EIF5B: variants seen among roughly 807,000 people sequenced by gnomAD.
EIF5B encodes eIF-5B.
A neutral mutation model predicts 147.5 loss-of-function variants in EIF5B; 47 were observed. The observed-to-expected ratio is 0.32, with a 90% confidence interval of 0.25 to 0.41. The LOEUF is 0.41. EIF5B is among the 10% of genes least tolerant of loss of function. The probability of loss-of-function intolerance (pLI) is 1.00; values close to 1 mark genes in which losing one functional copy is unlikely to be tolerated. For missense variants in EIF5B, 1,064 were observed against 1,413.2 expected (o/e 0.75, Z 3.96); for synonymous variants, 455 against 456.2 (o/e 1.00, Z 0.03).
At chr2:99,374,859 C>G (rs1674530843) in intron 9 of EIF5B, among the ~76,000 whole-genome samples, 1 of 151,890 alleles carries the variant, frequency 6.6e-6, no homozygotes, top group African/African-American at 2.4e-5. Context: ...CTGATAGGCC[C>G]TCTTATTGTA....
intron 1 of EIF5B, among the ~76,000 whole-genome samples, chr2:99,343,407 A>C (rs2105334406): frequency 6.6e-6 from 1 of 151,758 alleles, no homozygotes; most frequent in South Asian, 2.1e-4. Flanking sequence ...CAAAAGTTTT[A>C]AATTTTGTTG....
intron 1 of EIF5B, among the ~76,000 whole-genome samples, chr2:99,359,326 G>GCCACT (rs1559247616): frequency 6.6e-6 from 1 of 151,300 alleles, no homozygotes; most frequent in African/African-American, 2.4e-5. Flanking sequence ...CCGAGATCAC[G>GCCACT]CCACTGCACT....
At chr2:99,383,524 A>G (rs1289966560) in intron 14 of EIF5B, among the ~76,000 whole-genome samples, 1 of 152,226 alleles carries the variant, frequency 6.6e-6, no homozygotes, top group Non-Finnish European at 1.5e-5. Context: ...GCCAAAGCCT[A>G]ATCTAAAGCA....
At chr2:99,360,843 G>A (rs1228459110) in intron 3 of EIF5B, among the ~76,000 whole-genome samples, 1 of 152,088 alleles carries the variant, frequency 6.6e-6, no homozygotes, top group Admixed American at 6.6e-5. Context: ...CAGAGTAATG[G>A]GAAAATCATA....
chr2:99,384,043 A>G (rs1674746935), intron 14 of EIF5B, among the ~76,000 whole-genome samples: 1 of 151,746 alleles, frequency 6.6e-6, no homozygotes, highest in Admixed American at 6.6e-5. Context: ...TAAAAATACA[A>G]AAAGTTAGCC....
At chr2:99,375,910 T>G (rs1372659146) in intron 9 of EIF5B, among the ~76,000 whole-genome samples, 2 of 152,108 alleles carry the variant, frequency 1.3e-5, no homozygotes, top group African/African-American at 4.8e-5. Context: ...GTATTTCAGG[T>G]TTTTCCGATT....
intron 13 of EIF5B, 107 bp from the exon 14 acceptor site, chr2:99,382,673 A>T (rs1019923929): frequency 3.5e-6 from 4 of 1,130,918 alleles, no homozygotes; most frequent in Non-Finnish European, 4.8e-6. Flanking sequence ...GAACAATTTA[A>T]TACATATACT....
At chr2:99,385,998 A>AT (rs1674798624) in intron 14 of EIF5B, among the ~76,000 whole-genome samples, 1 of 152,160 alleles carries the variant, frequency 6.6e-6, no homozygotes, top group African/African-American at 2.4e-5. Flanking sequence ...TAAGTTTGGC[A>AT]TTTTTTGTTA....
intron 17 of EIF5B, among the ~76,000 whole-genome samples, chr2:99,391,629 C>T (rs1674931911): frequency 6.6e-6 from 1 of 151,556 alleles, no homozygotes. Flanking sequence ...AATATCCTTG[C>T]TTTGCTTTGT....
chr2:99,345,651 C>T (rs573162179), intron 1 of EIF5B, among the ~76,000 whole-genome samples: 34 of 145,888 alleles, frequency 2.3e-4, no homozygotes, highest in African/African-American at 8.1e-4. Flanking sequence ...ACTTGTAGAA[C>T]ATAGGTAGGT....
At chr2:99,374,427 G>A (rs185650987) in intron 9 of EIF5B, among the ~76,000 whole-genome samples, 21 of 150,862 alleles carry the variant, frequency 1.4e-4, no homozygotes, top group Non-Finnish European at 2.1e-4. Context: ...ATTTTGTTGC[G>A]CTTCGTTTCC....
intron 23 of EIF5B, 80 bp from the exon 24 acceptor site, chr2:99,399,227 G>A (rs964398661): frequency 2.3e-6 from 3 of 1,322,694 alleles, no homozygotes; most frequent in Non-Finnish European, 3.2e-6. Context: ...AGTACAGTGA[G>A]AGCGGGCATC....
At chr2:99,381,448 A>G (rs1265722756) in intron 12 of EIF5B, among the ~76,000 whole-genome samples, 1 of 152,070 alleles carries the variant, frequency 6.6e-6, no homozygotes, top group Non-Finnish European at 1.5e-5. Context: ...GTAGATCAGG[A>G]TACCAAATTT....
chr2:99,340,432 C>T (rs540721952), intron 1 of EIF5B, among the ~76,000 whole-genome samples: 51 of 152,112 alleles, frequency 3.4e-4, no homozygotes, highest in Non-Finnish European at 4.1e-4. Flanking sequence ...GTCATTCCAC[C>T]TCCCCTCCTT....
At chr2:99,361,043 T>G (rs1674200821) in intron 3 of EIF5B, 105 bp from the exon 4 acceptor site, 1 of 1,119,158 alleles carries the variant, frequency 8.9e-7, no homozygotes, top group East Asian at 2.8e-5. Context: ...GAAAAAGATT[T>G]TGAAATCATT....
intron 1 of EIF5B, among the ~76,000 whole-genome samples, chr2:99,346,997 C>T (rs575070605): frequency 1.3e-5 from 2 of 151,968 alleles, no homozygotes; most frequent in South Asian, 2.1e-4. Flanking sequence ...CCAAAATATT[C>T]TTTTTTTATT....
In EIF5B at chr2:99,337,510, G is replaced by A; in HGVS notation, c.-45G>A. On this transcript the variant is annotated 5_prime_UTR_variant, in exon 1 of 24. Coordinates refer to ENST00000289371, the MANE Select transcript of EIF5B (RefSeq NM_015904.4). ...CAGCCGGGAGACAGTGGGTCTGTGAGAGACCGAATAGAGGGGCTGGGGCCA... is the reference window on the plus strand; with the variant it reads ...CAGCCGGGAGACAGTGGGTCTGTGAAAGACCGAATAGAGGGGCTGGGGCCA... 1 of 1,603,876 alleles carries A rather than the reference G, an allele frequency of 6.2e-7. No homozygotes were observed. Among genetic ancestry groups the A allele is most frequent in the South Asian group, 1.1e-5 (1 of 89,654 alleles).
At chr2:99,386,689 G>A (rs949391379) in intron 14 of EIF5B, among the ~76,000 whole-genome samples, 3 of 150,502 alleles carry the variant, frequency 2.0e-5, no homozygotes, top group East Asian at 2.0e-4. Context: ...CACCACACCC[G>A]GTTAGGGTTG....
At chr2:99,390,425 TTG>T (rs1289815270) in intron 16 of EIF5B, 24 bp downstream of exon 16, 6 of 1,527,868 alleles carry the variant, frequency 3.9e-6, no homozygotes, top group Admixed American at 4.5e-5. Flanking sequence ...TTTCAGTTTA[TTG>T]TTTTTTTTTT....
Sources: gnomAD v4.1 joint callset for allele counts (sites outside exome capture counted in the v4.1 genomes callset) on GRCh38, gnomAD v4.1.1 for gene constraint, MANE v1.5 for transcripts, NCBI Gene and HGNC (gene_info 2026-07-23, HGNC 2026-07-21) for gene names.